DCDC2B: variants seen among roughly 807,000 people sequenced by gnomAD.
DCDC2B encodes the protein doublecortin domain containing 2B.
In DCDC2B, 41 loss-of-function variants were observed where a neutral mutation model predicts 38.9. The ratio of observed to expected loss-of-function variants is 1.05; its 90% CI spans 0.82 to 1.37. The LOEUF is 1.37. DCDC2B is among the 40% of genes most tolerant of loss of function. DCDC2B has a pLI of 0.00. For synonymous variants in DCDC2B, 181 were observed against 171.9 expected (o/e 1.05, Z -0.41); for missense variants, 453 against 427.2 (o/e 1.06, Z -0.53).
rs1313643579 is a variant in DCDC2B, at chr1:32,209,227, C to G, written c.134C>G (p.Ser45Ter). The G allele has an allele frequency of 1.2e-6, 2 of 1,614,032 alleles. No homozygotes were observed. Among genetic ancestry groups the G allele is most frequent in the Admixed American group, 1.7e-5 (1 of 60,028 alleles). ...TMEAFLCEVT[S>*]AVQAPLAVRA... ...GAGGCCTTCCTCTGCGAGGTGACAT[C>G]AGCTGTGCAGGCCCCACTGGCTGTG... The change falls in exon 1 of 9, where the codon TCA (serine) becomes TGA (stop). Residue 45 changes from serine (S) to a stop codon, truncating the protein, a stop_gained. Coordinates refer to ENST00000409358, the MANE Select transcript of DCDC2B (RefSeq NM_001099434.2). LOFTEE classifies it high-confidence loss of function.
chr1:32,211,965 G>C (rs1643603592), intron 3 of DCDC2B, 105 bp from the exon 4 acceptor site: 2 of 1,539,452 alleles, frequency 1.3e-6, no homozygotes, highest in Non-Finnish European at 1.8e-6. Context: ...TGCTTGATGG[G>C]TGAAGAGAGA....
rs1643490831 is a variant in DCDC2B, at chr1:32,209,447, T to C, written c.266+88T>C. On this transcript the variant is annotated intron_variant, in intron 1 of 8. Transcript: ENST00000409358. The stretch of plus-strand genomic sequence containing the variant: ...AGTACCTACCATGTATGTACCAGCA[T>C]GTTACTGGTACTTACTGAACTCTAT... The C allele has an allele frequency of 5.9e-6, 9 of 1,527,144 alleles. No homozygotes were observed. In the Admixed American group the frequency reaches 1.4e-4, roughly 24 times the overall value. The allele number at this position is 1,527,144 out of a possible 1,614,324, so 94.6% of individuals were successfully genotyped here. A position where few individuals can be genotyped will look rare whatever the true frequency, so the allele number is the denominator to read the frequency against.
intron 3 of DCDC2B, 67 bp downstream of exon 3, chr1:32,211,904 G>A: frequency 1.3e-6 from 2 of 1,557,632 alleles, no homozygotes; most frequent in Non-Finnish European, 1.7e-6. Context: ...AAATGGTGTT[G>A]GGTTTGTTCT....
chr1:32,209,907 A>G (rs1238234969), intron 1 of DCDC2B, among the ~76,000 whole-genome samples: 1 of 152,188 alleles, frequency 6.6e-6, no homozygotes, highest in Non-Finnish European at 1.5e-5. Flanking sequence ...AAGAGGGAGT[A>G]AGTGGCTGGG....
rs745917015 is a variant in DCDC2B, at chr1:32,212,635, T to C, written c.673T>C (p.Trp225Arg). ...VPSPSLPRGCWQPPGSKSRPH... is the reference protein window; with the variant it reads ...VPSPSLPRGCRQPPGSKSRPH... Reference sequence around the variant, plus strand: ...CAGCCCCTCCCTGCCCAGGGGCTGCTGGTATGTATGTGGGAGGTGGAGCGG... The same window carrying C: ...CAGCCCCTCCCTGCCCAGGGGCTGCCGGTATGTATGTGGGAGGTGGAGCGG... The change falls in exon 5 of 9, where the codon TGG becomes CGG. Residue 225 changes from tryptophan (W) to arginine (R), a missense_variant and splice_region_variant. Physicochemically the swap from Trp to Arg is moderately radical, Grantham distance 101. Transcript: ENST00000409358. The C allele has an allele frequency of 6.2e-7, 1 of 1,613,908 alleles. No individual in the cohort carries two copies. Among genetic ancestry groups the C allele is most frequent in the South Asian group, 1.1e-5 (1 of 91,082 alleles).
intron 6 of DCDC2B, among the ~76,000 whole-genome samples, chr1:32,214,312 CAAAAAAAAAAAA>C (rs58837364): frequency 0.28 from 14,661 of 52,304 alleles, 1,137 homozygotes; most frequent in South Asian, 0.46. Flanking sequence ...ACTCAAGTCT[CAAAAAAAAAAAA>C]AAAAAAAAAA....
intron 7 of DCDC2B, 172 bp downstream of exon 7, chr1:32,215,104 T>G: frequency 1.1e-6 from 1 of 916,342 alleles, no homozygotes; most frequent in Non-Finnish European, 1.6e-6. Flanking sequence ...CTCAGGAGAC[T>G]GCCCGTAAAA....
Position 32,209,300 on chromosome 1 carries a change from A to T in DCDC2B, c.207A>T (p.Ala69=). Residue 69 remains alanine, a synonymous_variant, in exon 1 of 9, where the codon GCA becomes GCT. Coordinates refer to ENST00000409358, the MANE Select transcript of DCDC2B (RefSeq NM_001099434.2). The part of the protein sequence containing the change: ...PCHGHPVTNL[A]DLKNRGQYVA... ...ATGGCCACCCTGTCACCAACCTGGC[A>T]GACTTGAAGAACAGAGGGCAGTATG... The T allele has an allele frequency of 6.2e-7, 1 of 1,614,004 alleles. No individual in the cohort carries two copies. Among genetic ancestry groups the T allele is most frequent in the Non-Finnish European group, 8.5e-7 (1 of 1,179,894 alleles).
At chr1:32,215,270 G>A in intron 7 of DCDC2B, 170 bp from the exon 8 acceptor site, 1 of 619,100 alleles carries the variant, frequency 1.6e-6, no homozygotes, top group Non-Finnish European at 2.8e-6. Context: ...ATATAGAGGG[G>A]ATGGGGGTGG....
At chr1:32,211,384 C>A in intron 2 of DCDC2B, 61 bp downstream of exon 2, 1 of 1,584,310 alleles carries the variant, frequency 6.3e-7, no homozygotes, top group South Asian at 1.1e-5. Flanking sequence ...TGGAACTGCC[C>A]CCAATTTGGT....
rs777065123 is a variant in DCDC2B, at chr1:32,212,642, T to C, written c.674+6T>C. The C allele has an allele frequency of 8.1e-6, 13 of 1,613,630 alleles. No homozygotes were observed. The East Asian group carries it at 2.5e-4, about 30-fold the overall frequency. ...TCCCTGCCCAGGGGCTGCTGGTATG[T>C]ATGTGGGAGGTGGAGCGGTAACAGG... On this transcript the variant is annotated splice_donor_region_variant and intron_variant, in intron 5 of 8. Coordinates refer to ENST00000409358, the MANE Select transcript of DCDC2B (RefSeq NM_001099434.2).
Position 32,209,153 on chromosome 1 carries a change from C to T in DCDC2B, c.60C>T (p.Phe20=), listed in dbSNP as rs201668101. The T allele has an allele frequency of 6.2e-6, 10 of 1,614,030 alleles. No homozygotes were observed. In the Admixed American group the frequency reaches 1.0e-4, roughly 16 times the overall value. The change falls in exon 1 of 9, where the codon TTC becomes TTT. Residue 20 remains phenylalanine (F), a synonymous_variant. Coordinates refer to ENST00000409358, the MANE Select transcript of DCDC2B (RefSeq NM_001099434.2). ...TGGTGTACCGGAATGGGGACCCATT[C>T]TTCCCAGGCTCCCAGCTGGTGGTGA... ...RVVVYRNGDP[F]FPGSQLVVTQ...
chr1:32,211,372 C>T, intron 2 of DCDC2B, 49 bp downstream of exon 2: 1 of 1,598,844 alleles, frequency 6.3e-7, no homozygotes, highest in East Asian at 2.2e-5. Context: ...TCCCACTCCT[C>T]CTGGAACTGC....
chr1:32,211,437 G>T lies in DCDC2B; in HGVS notation c.318+114G>T, dbSNP rs1280883073. 3.7e-6 allele frequency: 4 copies of T among 1,091,316 alleles called. No homozygotes were observed. In the East Asian group the frequency reaches 1.0e-4, roughly 28 times the overall value. 67.6% of individuals were successfully genotyped at this position (1,091,316 alleles called of 1,614,324 possible). A position where few individuals can be genotyped will look rare whatever the true frequency, so the allele number is the denominator to read the frequency against. ...CAGCAGGATCTGCCAGTTCCAGGGG[G>T]GTACTTTGGAGCCAGCTACTATCTT... On this transcript the variant is annotated intron_variant, in intron 2 of 8. Transcript: ENST00000409358.
rs1638331399 is a variant in DCDC2B, at chr1:32,215,773, C to CA, written c.955-28dup. ...TGGAGGCTGGCCATACTCACGGCTCCATTCTGTATGGCCTTCCACCTCCTG... is the reference window on the plus strand; with the variant it reads ...TGGAGGCTGGCCATACTCACGGCTCCAATTCTGTATGGCCTTCCACCTCCTG... On this transcript the variant is annotated intron_variant, in intron 8 of 8. Coordinates refer to ENST00000409358, the MANE Select transcript of DCDC2B (RefSeq NM_001099434.2). 8 of 1,516,306 alleles carry CA rather than the reference C, an allele frequency of 5.3e-6. No individual in the cohort carries two copies. In the East Asian group the frequency reaches 2.0e-4, roughly 37 times the overall value. The allele number at this position is 1,516,306 out of a possible 1,614,324, so 93.9% of individuals were successfully genotyped here.
intron 6 of DCDC2B, among the ~76,000 whole-genome samples, chr1:32,213,844 C>T (rs1643685537): frequency 6.6e-6 from 1 of 151,604 alleles, no homozygotes; most frequent in Non-Finnish European, 1.5e-5. Context: ...TTAGTAGAGA[C>T]AGGGTTTCTC....
At chr1:32,211,201 AC>A in intron 1 of DCDC2B, 70 bp from the exon 2 acceptor site, 1 of 1,432,200 alleles carries the variant, frequency 7.0e-7, no homozygotes, top group South Asian at 1.2e-5. Context: ...CCCCAACCCA[AC>A]ACTGACATCT....
chr1:32,209,304 T>G lies in DCDC2B; in HGVS notation c.211T>G (p.Leu71Val). The change falls in exon 1 of 9, where the codon TTG (leucine) becomes GTG (valine). Residue 71 changes from leucine (L) to valine (V), a missense_variant. Coordinates refer to ENST00000409358, the MANE Select transcript of DCDC2B (RefSeq NM_001099434.2). ...CCACCCTGTCACCAACCTGGCAGAC[T>G]TGAAGAACAGAGGGCAGTATGTGGC... ...HGHPVTNLAD[L>V]KNRGQYVAAG... 1 of 1,613,994 alleles carries G rather than the reference T, an allele frequency of 6.2e-7. No homozygotes were observed. Among genetic ancestry groups the G allele is most frequent in the Non-Finnish European group, 8.5e-7 (1 of 1,179,896 alleles).
chr1:32,211,541 A>C (rs892857586), intron 2 of DCDC2B, among the ~76,000 whole-genome samples: 1 of 152,228 alleles, frequency 6.6e-6, no homozygotes, highest in African/African-American at 2.4e-5. Context: ...CCCCAAAGGA[A>C]AGAGAAAGAT....
Sources: allele counts gnomAD v4.1 joint callset (sites outside exome capture counted in the v4.1 genomes callset), GRCh38; gene constraint gnomAD v4.1.1; transcripts MANE v1.5; gene names NCBI Gene and HGNC (gene_info 2026-07-23, HGNC 2026-07-21).